ATP7B: variants seen among roughly 807,000 people sequenced by gnomAD.
ATP7B encodes the protein copper-transporting ATPase 2.
A neutral mutation model predicts 118.9 loss-of-function variants in ATP7B; 113 were observed. That is an observed-to-expected ratio of 0.95 (90% CI 0.82 to 1.11). The LOEUF is 1.11. Among genes scored for constraint, ATP7B ranks in the 50% most tolerant of loss-of-function variants. The pLI, the probability that ATP7B is intolerant of heterozygous loss-of-function variation, is 0.00. For synonymous variants in ATP7B, 777 were observed against 727.4 expected (o/e 1.07, Z -1.10); for missense variants, 1,867 against 1,871.4 (o/e 1.00, Z 0.04).
chr13:51,985,557 CCAAA>C (rs1952615596), intron 1 of ATP7B, among the ~76,000 whole-genome samples: 1 of 152,100 alleles, frequency 6.6e-6, no homozygotes, highest in African/African-American at 2.4e-5. Flanking sequence ...CAGCTCTGGA[CCAAA>C]CAGACTTAAT....
chr13:51,954,371 G>A (rs1958204930), intron 9 of ATP7B, among the ~76,000 whole-genome samples: 1 of 152,258 alleles, frequency 6.6e-6, no homozygotes, highest in African/African-American at 2.4e-5. Context: ...TGCAGCCATT[G>A]AAGGATTTTC....
chr13:51,936,593 T>C (rs1476292575), intron 19 of ATP7B, among the ~76,000 whole-genome samples: 3 of 152,172 alleles, frequency 2.0e-5, no homozygotes, highest in African/African-American at 4.8e-5. Flanking sequence ...GGTGCGATCA[T>C]GGGTCACTGC....
Position 51,950,282 on chromosome 13 carries a change from G to C in ATP7B, c.2565C>G (p.Ser855=). 1 of 1,614,116 alleles carries C rather than the reference G, an allele frequency of 6.2e-7. No homozygotes were observed. The highest frequency in any genetic ancestry group is 8.5e-7 in the Non-Finnish European group (1 of 1,180,020). The change falls in exon 10 of 21, where the codon TCC becomes TCG. Residue 855 remains serine (S), a synonymous_variant. Coordinates refer to ENST00000242839, the MANE Select transcript of ATP7B (RefSeq NM_000053.4). ...VLEGNTMADE[S]LITGEAMPVT... Reference sequence around the variant, plus strand: ...AACAAGCCATCTCACCTGTGATGAGGGACTCATCAGCCATGGTATTGCCTT... The same window carrying C: ...AACAAGCCATCTCACCTGTGATGAGCGACTCATCAGCCATGGTATTGCCTT...
chr13:51,999,845 A>T (rs948049673), intron 1 of ATP7B, among the ~76,000 whole-genome samples: 1 of 152,082 alleles, frequency 6.6e-6, no homozygotes, highest in Non-Finnish European at 1.5e-5. Flanking sequence ...TCGCTCTCCG[A>T]GACAGTGGTC....
In ATP7B at chr13:51,970,617, T is replaced by C. The variant is rs1159464647; in HGVS notation, c.1418A>G (p.Asp473Gly). The C allele has an allele frequency of 6.2e-7, 1 of 1,614,150 alleles. No homozygotes were observed. The highest frequency in any genetic ancestry group is 1.1e-5 in the South Asian group (1 of 91,084). Residue 473 changes from aspartate (D) to glycine (G), a missense_variant, in exon 3 of 21, where the codon GAC becomes GGC. Asp to Gly is a moderately conservative substitution (Grantham distance 94). Transcript: ENST00000242839. ...TGATTGTGGGGACTTTGCCAAGATG[T>C]CCGGGGCATGGTTTGCAGGGAGCCT... ...TGRLPANHAP[D>G]ILAKSPQSTR...
rs1236743466 is a variant in ATP7B, at chr13:51,958,754, C to T, written c.2122-210G>A. The T allele has an allele frequency of 5.0e-6, 3 of 598,126 alleles. No homozygotes were observed. In the African/African-American group the frequency reaches 5.6e-5, roughly 11 times the overall value. 37.1% of individuals were successfully genotyped at this position (598,126 alleles called of 1,614,324 possible). ...AATGGATGACCAAGAGCATGTGAGACCTTTAAAACCCAGTGCTTACAACAC... is the reference window on the plus strand; with the variant it reads ...AATGGATGACCAAGAGCATGTGAGATCTTTAAAACCCAGTGCTTACAACAC... On this transcript the variant is annotated intron_variant, in intron 7 of 20. Coordinates refer to ENST00000242839, the MANE Select transcript of ATP7B (RefSeq NM_000053.4).
rs374924611 is a variant in ATP7B, at chr13:51,935,672, C to T, written c.4045G>A (p.Val1349Met). 1.2e-6 allele frequency: 2 copies of T among 1,613,236 alleles called. No individual in the cohort carries two copies. The highest frequency in any genetic ancestry group is 1.3e-5 in the African/African-American group (1 of 74,940). The change falls in exon 20 of 21, where the codon GTG becomes ATG. Residue 1349 changes from valine (V) to methionine (M), a missense_variant. Val to Met is a conservative substitution (Grantham distance 21, BLOSUM62 1). Transcript: ENST00000242839. ...GCTGAGCCCATCCAGGGCTGCAGCA[C>T]AATGCCGATGGGCATGAAGACACCT... Reference protein sequence around the residue: ...AAGVFMPIGIVLQPWMGSAAM... With the variant: ...AAGVFMPIGIMLQPWMGSAAM...
chr13:51,940,910 A>G (rs921570276), intron 16 of ATP7B, among the ~76,000 whole-genome samples, 171 bp downstream of exon 16: 7 of 152,308 alleles, frequency 4.6e-5, no homozygotes, highest in Admixed American at 2.6e-4. Flanking sequence ...AGCCAGTGGA[A>G]AGAATGAAGA....
At chr13:51,970,399 C>T in intron 3 of ATP7B, 93 bp downstream of exon 3, 1 of 1,544,360 alleles carries the variant, frequency 6.5e-7, no homozygotes, top group Non-Finnish European at 8.9e-7. Context: ...GTTATCAGGG[C>T]TACTGATAAA....
intron 1 of ATP7B, among the ~76,000 whole-genome samples, chr13:52,005,272 C>A (rs935679140): frequency 2.6e-5 from 4 of 152,196 alleles, no homozygotes; most frequent in Non-Finnish European, 5.9e-5. Flanking sequence ...TAATTTCTGT[C>A]TTTAATTTGT....
chr13:51,951,102 G>C (rs1191151971), intron 9 of ATP7B, among the ~76,000 whole-genome samples: 3 of 152,044 alleles, frequency 2.0e-5, no homozygotes, highest in Non-Finnish European at 4.4e-5. Context: ...GGGCTGTAGG[G>C]ATGATCACAG....
Position 51,974,566 on chromosome 13 carries a change from G to C in ATP7B, c.654C>G (p.Ser218Arg). ...AAIKSKVAPL[S>R]LGPIDIERLQ... ...ACCGCTCAATATCAATTGGTCCCAG[G>C]CTTAAGGGAGCCACTTTGCTCTTGA... The change falls in exon 2 of 21, where the codon AGC becomes AGG. Residue 218 changes from serine to arginine, a missense_variant. Coordinates refer to ENST00000242839, the MANE Select transcript of ATP7B (RefSeq NM_000053.4). 1 of 1,614,094 alleles carries C rather than the reference G, an allele frequency of 6.2e-7. No homozygotes were observed. Among genetic ancestry groups the C allele is most frequent in the Middle Eastern group, 1.6e-4 (1 of 6,062 alleles).
intron 14 of ATP7B, 108 bp downstream of exon 14, chr13:51,944,001 T>A: frequency 6.9e-7 from 1 of 1,450,654 alleles, no homozygotes; most frequent in East Asian, 2.3e-5. Flanking sequence ...TAAGTGGTTT[T>A]CCAGACCACA....
intron 1 of ATP7B, among the ~76,000 whole-genome samples, chr13:52,008,182 A>G (rs1404194217): frequency 2.6e-5 from 4 of 152,162 alleles, no homozygotes; most frequent in Non-Finnish European, 4.4e-5. Context: ...TCCACTAAAA[A>G]TACAAAAATT....
At chr13:51,944,634 C>T (rs1311623775) in intron 13 of ATP7B, among the ~76,000 whole-genome samples, 1 of 152,218 alleles carries the variant, frequency 6.6e-6, no homozygotes, top group Admixed American at 6.5e-5. Flanking sequence ...AGTCAGGACC[C>T]TGAGGGACAC....
intron 12 of ATP7B, chr13:51,947,967 T>TC (rs889555317): frequency 1.3e-5 from 2 of 152,192 alleles, no homozygotes; most frequent in African/African-American, 4.8e-5. Context: ...GACTGAGTCT[T>TC]CCCATGGCCA....
intron 7 of ATP7B, chr13:51,959,393 T>G (rs1328319595): frequency 6.6e-6 from 1 of 151,870 alleles, no homozygotes; most frequent in Non-Finnish European, 1.5e-5. Flanking sequence ...CTTGTGGTCC[T>G]AGCTACTCAG....
Position 51,974,217 on chromosome 13 carries a change from CACTCCCTTCG to C in ATP7B, c.993_1002del (p.Glu332GlyfsTer28). 6.2e-7 allele frequency: 1 copy of C among 1,614,034 alleles called. No homozygotes were observed. Among genetic ancestry groups the C allele is most frequent in the Non-Finnish European group, 8.5e-7 (1 of 1,180,010 alleles). ...GAACTGGAAGACCTGTGATCTGTCC[CACTCCCTTCG>C]GCTCCATCAGGAAGAGAAACTTTAA... On this transcript the variant is annotated frameshift_variant, in exon 2 of 21. Transcript: ENST00000242839. LOFTEE classifies it high-confidence loss of function.
At chr13:51,977,332 T>A (rs764717046) in intron 1 of ATP7B, among the ~76,000 whole-genome samples, 13 of 152,272 alleles carry the variant, frequency 8.5e-5, no homozygotes, top group Middle Eastern at 3.4e-3. Context: ...ATACTTATCC[T>A]ATAAGCTTTT....
Sources: allele counts gnomAD v4.1 joint callset (sites outside exome capture counted in the v4.1 genomes callset), GRCh38; gene constraint gnomAD v4.1.1; transcripts MANE v1.5; gene names NCBI Gene and HGNC (gene_info 2026-07-23, HGNC 2026-07-21).